PDGFRA: variants seen among roughly 807,000 people sequenced by gnomAD.
PDGFRA encodes platelet derived growth factor receptor alpha, also known as platelet-derived growth factor receptor alpha.
A neutral mutation model predicts 121.5 loss-of-function variants in PDGFRA; 25 were observed. That is an observed-to-expected ratio of 0.21 (90% CI 0.15 to 0.29). PDGFRA has a LOEUF of 0.29. Ranked by LOEUF, PDGFRA falls within the 10% of genes least tolerant of loss-of-function variation. The pLI is 1.00. For synonymous variants in PDGFRA, 463 were observed against 494.8 expected (o/e 0.94, Z 0.85); for missense variants, 1,008 against 1,345.1 (o/e 0.75, Z 3.92).
chr4:54,265,898 A>G (rs1031817898), intron 5 of PDGFRA, among the ~76,000 whole-genome samples: 8 of 152,162 alleles, frequency 5.3e-5, no homozygotes, highest in African/African-American at 1.9e-4. Context: ...TCTTTTAGGC[A>G]TTTGACAGCT....
chr4:54,280,600 C>T (rs1724025204), intron 16 of PDGFRA, 118 bp downstream of exon 16: 1 of 793,590 alleles, frequency 1.3e-6, no homozygotes, highest in Non-Finnish European at 2.1e-6. Context: ...CCCACGTGGT[C>T]TCTAAATGCA....
At chr4:54,241,309 G>A (rs1721281930) in intron 1 of PDGFRA, among the ~76,000 whole-genome samples, 1 of 151,988 alleles carries the variant, frequency 6.6e-6, no homozygotes, top group African/African-American at 2.4e-5. Context: ...TTTTGGTAAG[G>A]AATGTTATAA....
intron 1 of PDGFRA, among the ~76,000 whole-genome samples, chr4:54,246,158 C>A (rs565796021): frequency 1.3e-5 from 2 of 152,182 alleles, no homozygotes; most frequent in African/African-American, 2.4e-5. Flanking sequence ...GACAGATCAA[C>A]GAGACAAAAA....
rs1433722204 is a variant in PDGFRA, at chr4:54,267,353, T to C, written c.824T>C (p.Leu275Ser). Reference sequence around the variant, plus strand: ...CCATCCATCAAATTGGTGTACACTTTGACGGTCCCCGAGGCCACGGTGAAA... The same window carrying C: ...CCATCCATCAAATTGGTGTACACTTCGACGGTCCCCGAGGCCACGGTGAAA... ...KVPSIKLVYT[L>S]TVPEATVKDS... is the part of the protein sequence containing the mutation. The change falls in exon 6 of 23, where the codon TTG (leucine) becomes TCG (serine). Residue 275 changes from leucine to serine, a missense_variant. This residue lies in a region of PDGFRA where 575 missense variants were observed against 701.8 expected (regional missense o/e 0.82). Coordinates refer to ENST00000257290, the MANE Select transcript of PDGFRA (RefSeq NM_006206.6). 6.2e-7 allele frequency: 1 copy of C among 1,614,194 alleles called. No individual in the cohort carries two copies. The highest frequency in any genetic ancestry group is 1.7e-5 in the Admixed American group (1 of 60,020).
intron 1 of PDGFRA, among the ~76,000 whole-genome samples, chr4:54,252,704 G>C (rs73151414): frequency 0.045 from 6,901 of 152,300 alleles, 526 homozygotes; most frequent in African/African-American, 0.16. Context: ...GGGACTGTGA[G>C]AGAGTCTCTT....
intron 3 of PDGFRA, among the ~76,000 whole-genome samples, chr4:54,261,918 TATATATATATATA>T (rs1295680932): frequency 0.014 from 930 of 66,856 alleles, 15 homozygotes; most frequent in African/African-American, 0.043. Flanking sequence ...TATATATATA[TATATATATATATA>T]TTTTTTTTTT....
chr4:54,251,126 C>T (rs941312852), intron 1 of PDGFRA, among the ~76,000 whole-genome samples: 53 of 135,938 alleles, frequency 3.9e-4, no homozygotes, highest in African/African-American at 1.3e-3. Flanking sequence ...GAAAAGAAAA[C>T]ACAAATAAAC....
At chr4:54,246,343 A>C (rs971562617) in intron 1 of PDGFRA, among the ~76,000 whole-genome samples, 6 of 152,228 alleles carry the variant, frequency 3.9e-5, no homozygotes, top group Non-Finnish European at 7.3e-5. Context: ...CAAATGTAAA[A>C]GAACAGAAAT....
intron 12 of PDGFRA, 58 bp from the exon 13 acceptor site, chr4:54,277,330 C>A (rs1390087816): frequency 1.7e-6 from 2 of 1,174,750 alleles, no homozygotes; most frequent in Non-Finnish European, 1.3e-6. Flanking sequence ...GGCTACGGTG[C>A]AGAAAGCTGA....
At chr4:54,277,769 G>A (rs1723817620) in intron 13 of PDGFRA, 127 bp from the exon 14 acceptor site, 7 of 740,704 alleles carry the variant, frequency 9.5e-6, no homozygotes, top group Non-Finnish European at 4.8e-6. Flanking sequence ...GTAGCTATCT[G>A]CTTCTTTTAG....
At chr4:54,272,798 CTTTG>C (rs1317881049) in intron 9 of PDGFRA, among the ~76,000 whole-genome samples, 3 of 152,118 alleles carry the variant, frequency 2.0e-5, no homozygotes, top group Admixed American at 6.5e-5. Context: ...ATTTGGTGAA[CTTTG>C]TTTGGTAGTC....
intron 1 of PDGFRA, among the ~76,000 whole-genome samples, chr4:54,257,614 T>G (rs901891982): frequency 6.6e-5 from 10 of 152,318 alleles, no homozygotes; most frequent in African/African-American, 2.4e-4. Context: ...GTGTGGCTTC[T>G]TGAGTCAATA....
intron 3 of PDGFRA, among the ~76,000 whole-genome samples, chr4:54,263,325 A>C (rs548626801): frequency 3.3e-5 from 5 of 152,014 alleles, no homozygotes; most frequent in Non-Finnish European, 7.4e-5. Context: ...GGGTCTCTCT[A>C]TGTTGCCCAG....
chr4:54,242,199 G>A (rs1721340365), intron 1 of PDGFRA, among the ~76,000 whole-genome samples: 1 of 151,954 alleles, frequency 6.6e-6, no homozygotes, highest in South Asian at 2.1e-4. Context: ...CTACTTCTGG[G>A]ACTTTTGTCA....
In PDGFRA at chr4:54,280,354, T is replaced by C. The variant is rs768993267; in HGVS notation, c.2195T>C (p.Met732Thr). The change falls in exon 16 of 23, where the codon ATG (methionine) becomes ACG (threonine). Residue 732 changes from methionine (M) to threonine (T), a missense_variant. Coordinates refer to ENST00000257290, the MANE Select transcript of PDGFRA (RefSeq NM_006206.6). ...ILSFENNGDY[M>T]DMKQADTTQY... ...TCTTTTGAAAACAATGGTGACTACA[T>C]GGACATGAAGCAGGCTGATACTACA... The C allele has an allele frequency of 6.2e-7, 1 of 1,613,722 alleles. No homozygotes were observed. Among genetic ancestry groups the C allele is most frequent in the Non-Finnish European group, 8.5e-7 (1 of 1,179,608 alleles).
chr4:54,281,492 C>A, intron 16 of PDGFRA: 1 of 895,186 alleles, frequency 1.1e-6, no homozygotes, highest in African/African-American at 1.7e-5. Context: ...CTTCCAAGCG[C>A]TTTTAAAAGA....
intron 22 of PDGFRA, among the ~76,000 whole-genome samples, chr4:54,294,495 A>G (rs1258537482): frequency 6.6e-6 from 1 of 152,168 alleles, no homozygotes; most frequent in Admixed American, 6.5e-5. Flanking sequence ...GTTCACGTTC[A>G]AGTTAAGTAA....
At chr4:54,287,829 A>G (rs1724431749) in intron 19 of PDGFRA, among the ~76,000 whole-genome samples, 1 of 152,082 alleles carries the variant, frequency 6.6e-6, no homozygotes, top group African/African-American at 2.4e-5. Flanking sequence ...GGTCCCAATG[A>G]CATTCGCATC....
chr4:54,291,600 A>G (rs1340095518), intron 22 of PDGFRA, among the ~76,000 whole-genome samples: 1 of 152,210 alleles, frequency 6.6e-6, no homozygotes, highest in African/African-American at 2.4e-5. Context: ...ACCAGACAGA[A>G]TGGTTATTAT....
Sources: allele counts gnomAD v4.1 joint callset (sites outside exome capture counted in the v4.1 genomes callset), GRCh38; gene constraint gnomAD v4.1.1; regional missense constraint gnomAD v4.1.1; transcripts MANE v1.5; gene names NCBI Gene and HGNC (gene_info 2026-07-23, HGNC 2026-07-21).